The following FREM2 variants were observed in gnomAD, a reference collection of about 807,000 sequenced individuals.
FREM2 encodes the protein FRAS1-related extracellular matrix protein 2.
A neutral mutation model predicts 219.9 loss-of-function variants in FREM2; 119 were observed. The observed-to-expected ratio is 0.54, with a 90% confidence interval of 0.47 to 0.63. The LOEUF (loss-of-function observed/expected upper bound fraction) is 0.63, where lower values mean the gene tolerates loss of function less well. Among genes scored for constraint, FREM2 ranks in the 30% least tolerant of loss-of-function variants. The pLI, the probability that FREM2 is intolerant of heterozygous loss-of-function variation, is 0.00. For synonymous variants in FREM2, 1,562 were observed against 1,522.8 expected, an observed-to-expected ratio of 1.03 and a Z score of -0.60; for missense variants, 4,030 against 3,993.6, an observed-to-expected ratio of 1.01 and a Z score of -0.25.
At chr13:38,768,519 C>A (rs1873531217) in intron 3 of FREM2, among the ~76,000 whole-genome samples, 1 of 152,128 alleles carries the variant, frequency 6.6e-6, no homozygotes, top group Non-Finnish European at 1.5e-5. Context: ...TCAAGTGATC[C>A]ACCCACCTCG....
chr13:38,711,526 T>C (rs1178504962), intron 2 of FREM2, among the ~76,000 whole-genome samples: 3 of 152,228 alleles, frequency 2.0e-5, no homozygotes, highest in African/African-American at 7.2e-5. Context: ...ACATAGTGAA[T>C]GTAGTGAAAA....
rs764061089 is a variant in FREM2 at position 38,872,931 on chromosome 13, C to A, written c.8173C>A (p.Gln2725Lys). The A allele has an allele frequency of 3.1e-6, 5 of 1,612,732 alleles. No homozygotes were observed. The highest frequency in any genetic ancestry group is 4.2e-6 in the Non-Finnish European group (5 of 1,179,042). The stretch of plus-strand genomic sequence containing the variant: ...TGGCAGCCCCCCAGAGGCTGAACTT[C>A]AAGGTGAGTTCAGAAGACTTGGAAA... ...GIGSPPEAEL[Q>K]GSLYPTSMRI... The change falls in exon 17 of 24, where the codon CAA (glutamine) becomes AAA (lysine). Residue 2725 changes from glutamine (Q) to lysine (K), a missense_variant. Around this residue, in one of 2 missense-constraint regions of FREM2, gnomAD observed 928 missense variants for 1,042.9 expected, o/e 0.89. Coordinates refer to ENST00000280481, the MANE Select transcript of FREM2 (RefSeq NM_207361.6).
intron 6 of FREM2, among the ~76,000 whole-genome samples, chr13:38,785,087 C>T (rs1287891361): frequency 2.6e-5 from 4 of 152,286 alleles, no homozygotes; most frequent in Middle Eastern, 6.8e-3. Flanking sequence ...AAACTTTTGA[C>T]ATTTCATGGT....
chr13:38,767,802 C>T (rs1566134962), intron 3 of FREM2, among the ~76,000 whole-genome samples: 1 of 152,082 alleles, frequency 6.6e-6, no homozygotes, highest in Non-Finnish European at 1.5e-5. Context: ...GTTCTGTGCC[C>T]TTTTTTCTCT....
At chr13:38,840,166 C>T (rs1190706662) in intron 6 of FREM2, among the ~76,000 whole-genome samples, 2 of 152,034 alleles carry the variant, frequency 1.3e-5, no homozygotes, top group Non-Finnish European at 2.9e-5. Flanking sequence ...GTACACAGTT[C>T]CTCACGGCAC....
In FREM2 at chr13:38,689,207, G is replaced by A; in HGVS notation, c.1863G>A (p.Lys621=). The A allele has an allele frequency of 6.2e-7, 1 of 1,614,130 alleles. No individual in the cohort carries two copies. The highest frequency in any genetic ancestry group is 1.3e-5 in the African/African-American group (1 of 75,050). The change falls in exon 1 of 24, where the codon AAG becomes AAA. Residue 621 remains lysine, a synonymous_variant. Coordinates refer to ENST00000280481, the MANE Select transcript of FREM2 (RefSeq NM_207361.6). ...GCCAAACTCACCCTCCCCATGAGAA[G>A]CAGGAACTTCTCAGAGGCCTTTGGA... ...LLRQTHPPHE[K]QELLRGLWRK... is the part of the protein sequence containing the mutation.
intron 6 of FREM2, chr13:38,822,024 C>G (rs567448990): frequency 6.6e-6 from 1 of 152,214 alleles, no homozygotes; most frequent in East Asian, 1.9e-4. Flanking sequence ...GACAGTCTCT[C>G]CATTGTGAAG....
chr13:38,777,784 C>A (rs988068687), intron 4 of FREM2, among the ~76,000 whole-genome samples: 1 of 152,144 alleles, frequency 6.6e-6, no homozygotes, highest in African/African-American at 2.4e-5. Flanking sequence ...ATCAGGGAAG[C>A]CTTTCTTTGT....
intron 2 of FREM2, among the ~76,000 whole-genome samples, chr13:38,749,523 C>A (rs948907277): frequency 6.6e-6 from 1 of 152,150 alleles, no homozygotes; most frequent in Non-Finnish European, 1.5e-5. Flanking sequence ...GTACAGACCA[C>A]GGTTTCTCAA....
In FREM2 at chr13:38,689,418, C is replaced by A; in HGVS notation, c.2074C>A (p.Arg692Ser). 6.2e-7 allele frequency: 1 copy of A among 1,613,988 alleles called. No individual in the cohort carries two copies. The highest frequency in any genetic ancestry group is 8.5e-7 in the Non-Finnish European group (1 of 1,179,956). ...NQSGLQRFVIRIHPVDRLPPE... is the reference protein window; with the variant it reads ...NQSGLQRFVISIHPVDRLPPE... ...GTCCGGGCTACAGCGGTTTGTGATT[C>A]GTATCCATCCTGTGGATCGCCTCCC... Residue 692 changes from arginine (R) to serine (S), a missense_variant, in exon 1 of 24, where the codon CGT becomes AGT. Transcript: ENST00000280481.
intron 2 of FREM2, among the ~76,000 whole-genome samples, chr13:38,756,630 C>T (rs1412059485): frequency 1.3e-5 from 2 of 148,970 alleles, no homozygotes; most frequent in Admixed American, 6.8e-5. Context: ...CAGGTTCAAG[C>T]GATTCTCGTG....
chr13:38,715,568 A>C (rs1187575840), intron 2 of FREM2, among the ~76,000 whole-genome samples: 1 of 152,016 alleles, frequency 6.6e-6, no homozygotes, highest in Non-Finnish European at 1.5e-5. Context: ...TCAGATTTTT[A>C]ATCTACCCAA....
At chr13:38,741,945 A>T (rs913112899) in intron 2 of FREM2, among the ~76,000 whole-genome samples, 1 of 152,184 alleles carries the variant, frequency 6.6e-6, no homozygotes, top group African/African-American at 2.4e-5. Flanking sequence ...ATAAATATTG[A>T]CAATGAAAAA....
At chr13:38,872,541 C>T (rs1298361644) in intron 16 of FREM2, among the ~76,000 whole-genome samples, 1 of 152,036 alleles carries the variant, frequency 6.6e-6, no homozygotes, top group Non-Finnish European at 1.5e-5. Context: ...CCTTTGTTGC[C>T]AATGAAGGTA....
chr13:38,833,314 T>C (rs936717647), intron 6 of FREM2, among the ~76,000 whole-genome samples: 1 of 152,186 alleles, frequency 6.6e-6, no homozygotes, highest in African/African-American at 2.4e-5. Flanking sequence ...TTCTTAGTAT[T>C]GATACATTTG....
intron 6 of FREM2, among the ~76,000 whole-genome samples, chr13:38,800,961 T>C (rs1279814600): frequency 6.6e-6 from 1 of 152,212 alleles, no homozygotes; most frequent in African/African-American, 2.4e-5. Flanking sequence ...TTTCATTCTC[T>C]CTTTTCCTGC....
At chr13:38,728,314 A>G (rs2138116852) in intron 2 of FREM2, among the ~76,000 whole-genome samples, 1 of 152,296 alleles carries the variant, frequency 6.6e-6, no homozygotes, top group Non-Finnish European at 1.5e-5. Flanking sequence ...GGCTGAGTAT[A>G]CAATGAGCGT....
In FREM2 at chr13:38,864,475, A is replaced by T; in HGVS notation, c.7852A>T (p.Ile2618Phe). 1 of 1,614,202 alleles carries T rather than the reference A, an allele frequency of 6.2e-7. No homozygotes were observed. Among genetic ancestry groups the T allele is most frequent in the Non-Finnish European group, 8.5e-7 (1 of 1,180,016 alleles). ...ETYPYQYSLS[I>F]RGSTTLRFYR... is the part of the protein sequence containing the mutation. ...ATATCCTTACCAGTACAGCTTGTCC[A>T]TCAGAGGTTCCACTACCTTGCGCTT... The change falls in exon 16 of 24, where the codon ATC (isoleucine) becomes TTC (phenylalanine). Residue 2618 changes from isoleucine to phenylalanine, a missense_variant. Transcript: ENST00000280481.
At chr13:38,698,590 A>G (rs768774789) in intron 2 of FREM2, among the ~76,000 whole-genome samples, 16 of 152,162 alleles carry the variant, frequency 1.1e-4, no homozygotes, top group Admixed American at 1.3e-4. Flanking sequence ...AACCTCCCCT[A>G]GTACATGTGT....
Sources: allele counts gnomAD v4.1 joint callset (sites outside exome capture counted in the v4.1 genomes callset), GRCh38; gene constraint gnomAD v4.1.1; regional missense constraint gnomAD v4.1.1; transcripts MANE v1.5; gene names NCBI Gene and HGNC (gene_info 2026-07-23, HGNC 2026-07-21).